TCF25: variants seen among roughly 807,000 people sequenced by gnomAD.
The protein encoded by TCF25 is TCF25 ribosome quality control complex subunit, also known as ribosome quality control complex subunit TCF25.
A neutral mutation model predicts 83.1 loss-of-function variants in TCF25; 41 were observed. The ratio of observed to expected loss-of-function variants is 0.49; its 90% CI spans 0.38 to 0.64. The LOEUF (loss-of-function observed/expected upper bound fraction) is 0.64, where lower values mean the gene tolerates loss of function less well. Among genes scored for constraint, TCF25 ranks in the 30% least tolerant of loss-of-function variants. The pLI, the probability that TCF25 is intolerant of heterozygous loss-of-function variation, is 0.00. For synonymous variants in TCF25, 458 were observed against 365.0 expected (o/e 1.25, Z -2.90); for missense variants, 979 against 914.5 (o/e 1.07, Z -0.91).
chr16:89,891,378 C>T (rs573923516), intron 5 of TCF25, among the ~76,000 whole-genome samples: 45 of 152,340 alleles, frequency 3.0e-4, no homozygotes, highest in Non-Finnish European at 4.7e-4. Context: ...CCACACTGGC[C>T]TCCACTCTGC....
intron 15 of TCF25, among the ~76,000 whole-genome samples, chr16:89,906,829 C>T (rs1423031671): frequency 7.9e-5 from 12 of 152,252 alleles, no homozygotes; most frequent in Middle Eastern, 3.4e-3. Context: ...GGGCTGTGAG[C>T]TTCTGACTCT....
intron 15 of TCF25, 138 bp from the exon 16 acceptor site, chr16:89,907,105 C>A: frequency 4.6e-6 from 4 of 862,926 alleles, no homozygotes; most frequent in Non-Finnish European, 7.5e-6. Flanking sequence ...AAAGCACAGC[C>A]GTTTCTGTCA....
intron 11 of TCF25, among the ~76,000 whole-genome samples, chr16:89,900,410 T>A (rs1463694833): frequency 6.6e-6 from 1 of 151,848 alleles, no homozygotes; most frequent in African/African-American, 2.4e-5. Context: ...CGGCTCAGTC[T>A]ACTTCTCAGG....
In TCF25 at chr16:89,906,213, C is replaced by T. The variant is rs143037653; in HGVS notation, c.1648C>T (p.Arg550Cys). Residue 550 changes from arginine to cysteine, a missense_variant, in exon 15 of 18, where the codon CGT (arginine) becomes TGT (cysteine). Physicochemically the swap from Arg to Cys is radical, Grantham distance 180 (BLOSUM62 -3). Coordinates refer to ENST00000263346, the MANE Select transcript of TCF25 (RefSeq NM_014972.3). ...CCCTAGGCGGAAGGTGCTCTACCAG[C>T]GTGCACCCAGGAATATCCACCGCCA... Reference protein sequence around the residue: ...CENRRKVLYQRAPRNIHRHVI... With the variant: ...CENRRKVLYQCAPRNIHRHVI... 1.5e-5 allele frequency: 24 copies of T among 1,613,344 alleles called. No individual in the cohort carries two copies. The highest frequency in any genetic ancestry group is 1.3e-4 in the African/African-American group (10 of 75,052).
chr16:89,895,221 G>C (rs2043758499), intron 8 of TCF25, 84 bp downstream of exon 8: 1 of 1,253,902 alleles, frequency 8.0e-7, no homozygotes, highest in African/African-American at 1.5e-5. Flanking sequence ...TAAGATGACA[G>C]GGGTTGCCAG....
rs904211613 is a variant in TCF25 at position 89,911,338 on chromosome 16, G to C, written c.*100G>C. On this transcript the variant is annotated 3_prime_UTR_variant, in exon 18 of 18. Coordinates refer to ENST00000263346, the MANE Select transcript of TCF25 (RefSeq NM_014972.3). ...CTGAAGTAGGGAAGCTGAGTGTGTC[G>C]CTCCCTGGTCCACTGTTTCTCCTAT... is the stretch of plus-strand genomic sequence containing the variant. 4.5e-5 allele frequency: 66 copies of C among 1,460,286 alleles called. No individual in the cohort carries two copies. The South Asian group carries it at 4.7e-4, about 10-fold the overall frequency. 90.5% of individuals were successfully genotyped at this position (1,460,286 alleles called of 1,614,324 possible). A position where few individuals can be genotyped will look rare whatever the true frequency, so the allele number is the denominator to read the frequency against.
At chr16:89,883,948 G>C (rs949231182) in intron 2 of TCF25, 1 of 183,100 alleles carries the variant, frequency 5.5e-6, no homozygotes, top group Admixed American at 5.4e-5. Flanking sequence ...GTTAACGTGG[G>C]ATGGGCAGAG....
intron 16 of TCF25, among the ~76,000 whole-genome samples, chr16:89,908,794 C>CCTCCCAGCTCCCACCTCGCAG (rs1447463673): frequency 7.2e-6 from 1 of 138,052 alleles, no homozygotes; most frequent in Non-Finnish European, 1.5e-5. Flanking sequence ...CCAGTTTCCA[C>CCTCCCAGCTCCCACCTCGCAG]CTCCCAGCTC....
chr16:89,877,315 C>T (rs2042275989), intron 1 of TCF25, among the ~76,000 whole-genome samples: 1 of 152,028 alleles, frequency 6.6e-6, no homozygotes, highest in South Asian at 2.1e-4. Context: ...ACCATCCTCC[C>T]ACCTCAGCCT....
At chr16:89,911,048 G>C (rs1188154131) in intron 17 of TCF25, 32 bp from the exon 18 acceptor site, 1 of 1,608,072 alleles carries the variant, frequency 6.2e-7, no homozygotes. Flanking sequence ...AGCACAGACA[G>C]CCCCCTTCTC....
chr16:89,878,280 A>G (rs867750411), intron 1 of TCF25, among the ~76,000 whole-genome samples: 9,865 of 129,208 alleles, frequency 0.076, 494 homozygotes, highest in East Asian at 0.26. Context: ...ACCCTGTCTC[A>G]AAAAAAAAAA....
rs892923671 is a variant in TCF25 at position 89,885,829 on chromosome 16, G to T, written c.430-19G>T. 23 of 1,578,480 alleles carry T rather than the reference G, an allele frequency of 1.5e-5. No individual in the cohort carries two copies. The highest frequency in any genetic ancestry group is 2.0e-5 in the Non-Finnish European group (23 of 1,148,388). ...ATAATGTCAGTGTGGTGATTAAGAG[G>T]TTGTTTTGGGGCTTTTAGGAAAACG... On this transcript the variant is annotated intron_variant, in intron 3 of 17. Coordinates refer to ENST00000263346, the MANE Select transcript of TCF25 (RefSeq NM_014972.3).
chr16:89,904,420 T>TA, intron 13 of TCF25: 1 of 599,326 alleles, frequency 1.7e-6, no homozygotes, highest in Non-Finnish European at 3.0e-6. Flanking sequence ...GCCTCCAGCT[T>TA]AAAAACGAGG....
At chr16:89,908,650 C>G (rs996486571) in intron 16 of TCF25, among the ~76,000 whole-genome samples, 4 of 130,984 alleles carry the variant, frequency 3.1e-5, no homozygotes, top group Non-Finnish European at 3.4e-5. Context: ...CCTCCCAGCT[C>G]CCACCTCCCA....
At chr16:89,883,320 G>C (rs369641098) in intron 1 of TCF25, 31 bp from the exon 2 acceptor site, 1 of 1,609,002 alleles carries the variant, frequency 6.2e-7, no homozygotes, top group African/African-American at 1.3e-5. Context: ...TGTAAGTAAC[G>C]CCCTGGCTCT....
intron 5 of TCF25, chr16:89,889,287 C>T (rs113839496): frequency 0.021 from 8,093 of 379,838 alleles, 633 homozygotes; most frequent in African/African-American, 0.16. Flanking sequence ...AAGTGATCCT[C>T]CCATCTCAGT....
rs529018526 is a variant in TCF25 at position 89,900,254 on chromosome 16, C to T, written c.1222-381C>T. 2.2e-4 allele frequency among the ~76,000 whole-genome samples: 34 copies of T among 152,182 alleles called. 1 individual carries two copies. Among genetic ancestry groups the T allele is most frequent in the African/African-American group, 7.7e-4 (32 of 41,536 alleles). On this transcript the variant is annotated intron_variant, in intron 11 of 17. Coordinates refer to ENST00000263346, the MANE Select transcript of TCF25 (RefSeq NM_014972.3). ...GTGGCGGGCTGCTCTCGGAAACTCG[C>T]GCGGCAGTGGGCTGCTCTCACAGAC...
chr16:89,891,178 G>A (rs2043398682), intron 5 of TCF25, among the ~76,000 whole-genome samples: 1 of 152,202 alleles, frequency 6.6e-6, no homozygotes, highest in African/African-American at 2.4e-5. Context: ...ATCTGCCCAG[G>A]CTGCCTCGTT....
intron 1 of TCF25, among the ~76,000 whole-genome samples, chr16:89,878,291 A>C (rs1181375852): frequency 2.0e-5 from 3 of 151,972 alleles, no homozygotes; most frequent in Admixed American, 6.6e-5. Context: ...AAAAAAAAAA[A>C]AAGACAACCT....
Sources: allele counts gnomAD v4.1 joint callset (sites outside exome capture counted in the v4.1 genomes callset), GRCh38; gene constraint gnomAD v4.1.1; transcripts MANE v1.5; gene names NCBI Gene and HGNC (gene_info 2026-07-23, HGNC 2026-07-21).